The following TBL3 variants were observed in gnomAD, a reference collection of about 807,000 sequenced individuals.
TBL3 encodes transducin beta like 3.
A neutral mutation model predicts 102.7 loss-of-function variants in TBL3; 71 were observed. The ratio of observed to expected loss-of-function variants is 0.69; its 90% CI spans 0.57 to 0.84. TBL3 has a LOEUF of 0.84. TBL3 is among the 40% of genes least tolerant of loss of function. The pLI, the probability that TBL3 is intolerant of heterozygous loss-of-function variation, is 0.00. For synonymous variants in TBL3, 578 were observed against 477.7 expected (o/e 1.21, Z -2.74); for missense variants, 1,188 against 1,098.5 (o/e 1.08, Z -1.15).
chr16:1,978,078 G>C lies in TBL3; in HGVS notation c.2062+17G>C, dbSNP rs761307768. The C allele has an allele frequency of 1.2e-6, 2 of 1,605,084 alleles. No individual in the cohort carries two copies. The highest frequency in any genetic ancestry group is 1.7e-6 in the Non-Finnish European group (2 of 1,175,140). On this transcript the variant is annotated intron_variant, in intron 19 of 21. Coordinates refer to ENST00000568546, the MANE Select transcript of TBL3 (RefSeq NM_006453.3). ...TCATCCAGGGTCAGTGCCCACCCCG[G>C]GGGGCGAGGGGCTGGGTCTTCGGAC...
chr16:1,976,209 AGG>A lies in TBL3; in HGVS notation c.1189-1_1189del, dbSNP rs1315126437. 6.2e-7 allele frequency: 1 copy of A among 1,614,170 alleles called. No homozygotes were observed. ...CCTCTCTCCTCAACTCCCTGTCCCCAGGATCAGAGCGTCCGTATCTGGAGAAT... is the reference window on the plus strand; with the variant it reads ...CCTCTCTCCTCAACTCCCTGTCCCCAATCAGAGCGTCCGTATCTGGAGAAT... On this transcript the variant is annotated splice_acceptor_variant and coding_sequence_variant, in exon 13 of 22. Coordinates refer to ENST00000568546, the MANE Select transcript of TBL3 (RefSeq NM_006453.3). LOFTEE classifies it high-confidence loss of function.
rs535996669 is a variant in TBL3, at chr16:1,977,897, G to A, written c.1959-61G>A. The stretch of plus-strand genomic sequence containing the variant: ...GCCAGGCTCCCTGCCTGCTGACTCC[G>A]ATGGCTCTGCCTGCAGCCCCAGCCA... On this transcript the variant is annotated intron_variant, in intron 18 of 21. Coordinates refer to ENST00000568546, the MANE Select transcript of TBL3 (RefSeq NM_006453.3). The A allele has an allele frequency of 1.8e-5, 29 of 1,595,126 alleles. No homozygotes were observed. In the East Asian group the frequency reaches 4.7e-4, roughly 26 times the overall value.
At chr16:1,976,446 GGAACA>G in intron 13 of TBL3, 132 bp downstream of exon 13, 3 of 774,248 alleles carry the variant, frequency 3.9e-6, no homozygotes, top group Non-Finnish European at 6.4e-6. Flanking sequence ...CCAAAGATGT[GGAACA>G]GAACAGGACA....
chr16:1,972,320 T>C (rs2083366608), intron 1 of TBL3, 115 bp downstream of exon 1: 1 of 1,137,000 alleles, frequency 8.8e-7, no homozygotes, highest in South Asian at 2.9e-5. Flanking sequence ...AGGCTGTGTG[T>C]GCGCCGGCCC....
Position 1,980,860 on chromosome 16 carries a change from TGATGGGAGGCAGTCC to T in TBL3, c.*2176_*2190del, listed in dbSNP as rs1283443277. 4.7e-5 allele frequency: 69 copies of T among 1,475,818 alleles called. No homozygotes were observed. The highest frequency in any genetic ancestry group is 6.5e-5 in the Non-Finnish European group (69 of 1,069,138). The allele number at this position is 1,475,818 out of a possible 1,614,324, so 91.4% of individuals were successfully genotyped here. A position where few individuals can be genotyped will look rare whatever the true frequency, so the allele number is the denominator to read the frequency against. ...ACGAAGGGCCTCCAGTGGGAGTCAC[TGATGGGAGGCAGTCC>T]AGTGGGAGGCAGCCGCGTGGGGAAG... On this transcript the variant is annotated 3_prime_UTR_variant, in exon 22 of 22. Transcript: ENST00000568546.
Position 1,981,090 on chromosome 16 carries a change from A to G in TBL3, c.*2405A>G, listed in dbSNP as rs2083499320. The G allele has an allele frequency of 6.2e-7, 1 of 1,610,718 alleles. No homozygotes were observed. Among genetic ancestry groups the G allele is most frequent in the Admixed American group, 1.7e-5 (1 of 60,006 alleles). On this transcript the variant is annotated 3_prime_UTR_variant, in exon 22 of 22. Coordinates refer to ENST00000568546, the MANE Select transcript of TBL3 (RefSeq NM_006453.3). ...CACCCCCTTCCTATCCCTTGGGGCCACTAAGGACCCAGCCAGGTCTTACTT... is the reference window on the plus strand; with the variant it reads ...CACCCCCTTCCTATCCCTTGGGGCCGCTAAGGACCCAGCCAGGTCTTACTT...
At chr16:1,972,618 G>A (rs990067167) in intron 1 of TBL3, among the ~76,000 whole-genome samples, 1 of 152,340 alleles carries the variant, frequency 6.6e-6, no homozygotes, top group Middle Eastern at 3.4e-3. Context: ...GAGAATGCAG[G>A]AGAGGGGCGG....
chr16:1,973,914 C>G, intron 1 of TBL3, 142 bp from the exon 2 acceptor site: 5 of 857,372 alleles, frequency 5.8e-6, no homozygotes, highest in Non-Finnish European at 3.3e-6. Context: ...CTGGTTCCAC[C>G]CCATGCCCTG....
At chr16:1,975,787 C>T in intron 10 of TBL3, 21 bp from the exon 11 acceptor site, 1 of 1,614,112 alleles carries the variant, frequency 6.2e-7, no homozygotes, top group Non-Finnish European at 8.5e-7. Context: ...CTCACATCTC[C>T]TGCTCCCTGC....
At position 1,974,415 on chromosome 16, in the gene TBL3, G is replaced by T; in HGVS notation, c.229G>T (p.Asp77Tyr). Residue 77 changes from aspartate to tyrosine, a missense_variant, in exon 4 of 22, where the codon GAC becomes TAC. Asp to Tyr is a radical substitution (Grantham distance 160). Transcript: ENST00000568546. The stretch of plus-strand genomic sequence containing the variant: ...CATCACTGCCTTTGACCTCAGCCCT[G>T]ACAACGAGGTATGTGGGGCGGGGCC... ...EDITAFDLSP[D>Y]NEVLVTASRA... 6.2e-7 allele frequency: 1 copy of T among 1,609,890 alleles called. No individual in the cohort carries two copies. The highest frequency in any genetic ancestry group is 8.5e-7 in the Non-Finnish European group (1 of 1,177,928).
Position 1,975,419 on chromosome 16 carries a change from T to C in TBL3, c.786T>C (p.Phe262=), listed in dbSNP as rs1462068185. 2 of 1,613,852 alleles carry C rather than the reference T, an allele frequency of 1.2e-6. No homozygotes were observed. Among genetic ancestry groups the C allele is most frequent in the Admixed American group, 3.3e-5 (2 of 60,018 alleles). Residue 262 remains phenylalanine, a synonymous_variant, in exon 9 of 22, where the codon TTT becomes TTC. Transcript: ENST00000568546. The stretch of plus-strand genomic sequence containing the variant: ...GTGTGAAGTCCCCAGGGCTGTACTT[T>C]CTGACAGCTGGCGACCAAGGTGTGT... ...QLGVKSPGLY[F]LTAGDQGTLR... is the part of the protein sequence containing the mutation.
chr16:1,977,216 G>A lies in TBL3; in HGVS notation c.1603G>A (p.Val535Met). The A allele has an allele frequency of 2.5e-6, 4 of 1,613,128 alleles. No individual in the cohort carries two copies. Among genetic ancestry groups the A allele is most frequent in the Non-Finnish European group, 3.4e-6 (4 of 1,179,932 alleles). The part of the protein sequence containing the change: ...WCVQFSPMDQ[V>M]LATASADGTI... Reference sequence around the variant, plus strand: ...CGTCCAGTTCTCTCCCATGGACCAGGTGCTGGCCACGGCCTCAGCTGATGG... The same window carrying A: ...CGTCCAGTTCTCTCCCATGGACCAGATGCTGGCCACGGCCTCAGCTGATGG... The change falls in exon 15 of 22, where the codon GTG becomes ATG. Residue 535 changes from valine to methionine, a missense_variant. Coordinates refer to ENST00000568546, the MANE Select transcript of TBL3 (RefSeq NM_006453.3).
Position 1,981,181 on chromosome 16 carries a change from G to T in TBL3, c.*2496G>T. On this transcript the variant is annotated 3_prime_UTR_variant, in exon 22 of 22. Transcript: ENST00000568546. ...AACTGGGTATCGGGGGCCTGCCATG[G>T]CTGTGGCTTCCAGGCTGCAGATTCC... 6.2e-7 allele frequency: 1 copy of T among 1,613,622 alleles called. No individual in the cohort carries two copies. The highest frequency in any genetic ancestry group is 8.5e-7 in the Non-Finnish European group (1 of 1,180,014).
At chr16:1,972,330 C>T (rs1814456923) in intron 1 of TBL3, 125 bp downstream of exon 1, 2 of 1,067,576 alleles carry the variant, frequency 1.9e-6, no homozygotes, top group African/African-American at 3.3e-5. Flanking sequence ...TGCGCCGGCC[C>T]GCGGGGTCGC....
In TBL3 at chr16:1,976,854, A is replaced by G; in HGVS notation, c.1333A>G (p.Thr445Ala). 1 of 1,613,836 alleles carries G rather than the reference A, an allele frequency of 6.2e-7. No individual in the cohort carries two copies. Among genetic ancestry groups the G allele is most frequent in the Non-Finnish European group, 8.5e-7 (1 of 1,180,004 alleles). ...CCTGGTGACAGGCAGCCAGGACTGC[A>G]CTGTGAAGCTGTGGCCTCTTCCCAA... ...SFLVTGSQDC[T>A]VKLWPLPKAL... Residue 445 changes from threonine (T) to alanine (A), a missense_variant, in exon 14 of 22, where the codon ACT becomes GCT. Physicochemically the swap from Thr to Ala is moderately conservative, Grantham distance 58. Coordinates refer to ENST00000568546, the MANE Select transcript of TBL3 (RefSeq NM_006453.3).
At position 1,981,237 on chromosome 16, in the gene TBL3, G is replaced by A. The variant is rs2083504182; in HGVS notation, c.*2552G>A. On this transcript the variant is annotated 3_prime_UTR_variant, in exon 22 of 22. Transcript: ENST00000568546. Reference sequence around the variant, plus strand: ...TGGGCGAGGACCCTTCTGCCTCCCCGTGCTTGAGAGGGCTCTGGGGGACCC... The same window carrying A: ...TGGGCGAGGACCCTTCTGCCTCCCCATGCTTGAGAGGGCTCTGGGGGACCC... 8 of 1,608,688 alleles carry A rather than the reference G, an allele frequency of 5.0e-6. No individual in the cohort carries two copies. The Admixed American group carries it at 5.0e-5, about 10-fold the overall frequency.
chr16:1,975,991 G>C (rs373249330), intron 11 of TBL3, 42 bp downstream of exon 11: 3 of 1,613,944 alleles, frequency 1.9e-6, no homozygotes, highest in African/African-American at 2.7e-5. Context: ...GAGCCGCCTC[G>C]GTCCCTTGCT....
In TBL3 at chr16:1,975,652, C is replaced by T; in HGVS notation, c.929C>T (p.Ala310Val). 1 of 1,606,826 alleles carries T rather than the reference C, an allele frequency of 6.2e-7. No homozygotes were observed. Among genetic ancestry groups the T allele is most frequent in the Non-Finnish European group, 8.5e-7 (1 of 1,179,888 alleles). ...CACACCGCCGGCGTGGTCCTCACCGCCACCGCCGACCACAACCTGTTGCTC... is the reference window on the plus strand; with the variant it reads ...CACACCGCCGGCGTGGTCCTCACCGTCACCGCCGACCACAACCTGTTGCTC... ...LAHTAGVVLT[A>V]TADHNLLLYE... is the part of the protein sequence containing the mutation. Residue 310 changes from alanine (A) to valine (V), a missense_variant, in exon 10 of 22, where the codon GCC (alanine) becomes GTC (valine). Physicochemically the swap from Ala to Val is moderately conservative, Grantham distance 64. Coordinates refer to ENST00000568546, the MANE Select transcript of TBL3 (RefSeq NM_006453.3).
chr16:1,973,734 G>C lies in TBL3; in HGVS notation c.42-322G>C, dbSNP rs111549353. Among the ~76,000 whole-genome samples, 507 of 152,300 alleles carry C rather than the reference G, an allele frequency of 3.3e-3. 3 individuals are homozygous for C. Among genetic ancestry groups the C allele is most frequent in the African/African-American group, 0.011 (466 of 41,560 alleles). ...GGCCTGGCCACCCACCGCCGGCAGG[G>C]GTGTTCCCAAGGAGCCCCCTGGCTC... On this transcript the variant is annotated intron_variant, in intron 1 of 21. Coordinates refer to ENST00000568546, the MANE Select transcript of TBL3 (RefSeq NM_006453.3).
Sources: allele counts gnomAD v4.1 joint callset (sites outside exome capture counted in the v4.1 genomes callset), GRCh38; gene constraint gnomAD v4.1.1; transcripts MANE v1.5; gene names NCBI Gene and HGNC (gene_info 2026-07-23, HGNC 2026-07-21).